The following ARFIP1 variants were observed in gnomAD, a reference collection of about 807,000 sequenced individuals.
ARFIP1 encodes ARF interacting protein 1.
In ARFIP1, 24 loss-of-function variants were observed where a neutral mutation model predicts 42.5. The ratio of observed to expected loss-of-function variants is 0.57; its 90% confidence interval spans 0.41 to 0.80. The LOEUF is 0.80. ARFIP1 is among the 30% of genes least tolerant of loss of function. The probability of loss-of-function intolerance (pLI) is 0.00; values close to 1 mark genes in which losing one functional copy is unlikely to be tolerated. For synonymous variants in ARFIP1, 141 were observed against 153.7 expected (o/e 0.92, Z 0.61); for missense variants, 354 against 434.0 (o/e 0.82, Z 1.64).
chr4:152,855,084 G>A (rs534584061), intron 2 of ARFIP1, among the ~76,000 whole-genome samples: 1 of 152,342 alleles, frequency 6.6e-6, no homozygotes, highest in East Asian at 1.9e-4. Flanking sequence ...CATGGGTATT[G>A]GCAGTGGCTG....
chr4:152,786,665 T>C (rs1730827520), intron 1 of ARFIP1, among the ~76,000 whole-genome samples: 1 of 152,208 alleles, frequency 6.6e-6, no homozygotes, highest in African/African-American at 2.4e-5. Flanking sequence ...TCACTCTCCT[T>C]CTTCCTCCCC....
chr4:152,898,130 C>T (rs1737508937), intron 8 of ARFIP1, among the ~76,000 whole-genome samples: 1 of 151,698 alleles, frequency 6.6e-6, no homozygotes, highest in Admixed American at 6.6e-5. Flanking sequence ...TTACAGGCGC[C>T]CACCACAACG....
At chr4:152,882,902 T>A in intron 7 of ARFIP1, 22 bp downstream of exon 7, 2 of 1,587,766 alleles carry the variant, frequency 1.3e-6, no homozygotes, top group Non-Finnish European at 1.7e-6. Context: ...ATTTTCACTG[T>A]GTTGTCTGTT....
chr4:152,864,187 CT>C (rs1241745748), intron 3 of ARFIP1, among the ~76,000 whole-genome samples: 1 of 152,174 alleles, frequency 6.6e-6, no homozygotes, highest in Non-Finnish European at 1.5e-5. Context: ...TCTCTCCATA[CT>C]TTTGACCACC....
intron 2 of ARFIP1, among the ~76,000 whole-genome samples, chr4:152,860,303 C>T (rs1490630246): frequency 6.6e-6 from 1 of 152,180 alleles, no homozygotes; most frequent in African/African-American, 2.4e-5. Flanking sequence ...TCAGGTATAT[C>T]TGAGCTGACT....
At chr4:152,833,667 C>G (rs1485107857) in intron 2 of ARFIP1, among the ~76,000 whole-genome samples, 1 of 152,088 alleles carries the variant, frequency 6.6e-6, no homozygotes, top group African/African-American at 2.4e-5. Context: ...CACATACACC[C>G]ACAGACAATG....
intron 8 of ARFIP1, among the ~76,000 whole-genome samples, chr4:152,891,377 C>A (rs1369383665): frequency 6.6e-6 from 1 of 152,166 alleles, no homozygotes; most frequent in African/African-American, 2.4e-5. Context: ...TTTAACTCTT[C>A]AAAACGATAA....
chr4:152,812,219 A>T (rs189640328), intron 1 of ARFIP1, among the ~76,000 whole-genome samples: 13 of 152,218 alleles, frequency 8.5e-5, no homozygotes, highest in Admixed American at 8.5e-4. Flanking sequence ...TTTTGAGATG[A>T]GTTCTTGCTG....
intron 8 of ARFIP1, among the ~76,000 whole-genome samples, chr4:152,900,978 G>A (rs1403365746): frequency 6.6e-6 from 1 of 152,160 alleles, no homozygotes; most frequent in Non-Finnish European, 1.5e-5. Context: ...TTAGGTTGGT[G>A]CAAAAGTAAT....
chr4:152,808,868 A>C (rs1440225812), intron 1 of ARFIP1, among the ~76,000 whole-genome samples: 1 of 152,196 alleles, frequency 6.6e-6, no homozygotes, highest in Non-Finnish European at 1.5e-5. Context: ...TGGGAGTTCA[A>C]GACCAACTTG....
At chr4:152,902,329 C>T (rs942223928) in intron 8 of ARFIP1, among the ~76,000 whole-genome samples, 10 of 152,120 alleles carry the variant, frequency 6.6e-5, no homozygotes, top group Middle Eastern at 3.2e-3. Context: ...TAGAGAGACC[C>T]GGTCTCTACG....
intron 1 of ARFIP1, among the ~76,000 whole-genome samples, chr4:152,800,596 A>G (rs1389049232): frequency 1.3e-5 from 2 of 152,190 alleles, no homozygotes; most frequent in East Asian, 3.8e-4. Context: ...ATTGCATTAG[A>G]TATTTATTAG....
chr4:152,784,016 A>G (rs1046603992), intron 1 of ARFIP1, among the ~76,000 whole-genome samples: 4 of 152,244 alleles, frequency 2.6e-5, no homozygotes, highest in Non-Finnish European at 4.4e-5. Flanking sequence ...GTCTGGAAGT[A>G]TAAATAAATT....
chr4:152,846,941 G>A (rs1732580274), intron 2 of ARFIP1, among the ~76,000 whole-genome samples: 1 of 150,562 alleles, frequency 6.6e-6, no homozygotes, highest in South Asian at 2.1e-4. Context: ...TTTTGTTCTT[G>A]TTTGTGTTTC....
chr4:152,816,009 G>T lies in ARFIP1; in HGVS notation c.-9-13616G>T, dbSNP rs140366278. ...TCCGCCCGCCTCAGCCTCCCAAAGT[G>T]CTGGGATTACAGGCGTGAGCCACCG... is the stretch of plus-strand genomic sequence containing the variant. On this transcript the variant is annotated intron_variant, in intron 1 of 8. Coordinates refer to ENST00000353617, the MANE Select transcript of ARFIP1 (RefSeq NM_001025595.3). 3.5e-3 allele frequency among the ~76,000 whole-genome samples: 534 copies of T among 152,208 alleles called. 4 individuals are homozygous for T. Among genetic ancestry groups the T allele is most frequent in the African/African-American group, 0.012 (497 of 41,526 alleles).
At chr4:152,842,330 G>GAA (rs57030471) in intron 2 of ARFIP1, among the ~76,000 whole-genome samples, 22 of 112,974 alleles carry the variant, frequency 1.9e-4, no homozygotes, top group Admixed American at 1.0e-3. Context: ...TCTTGCAACT[G>GAA]AAAAAAAAAA....
In ARFIP1 at chr4:152,867,050, G is replaced by A. The variant is rs540251778; in HGVS notation, c.202+3336G>A. ...CAGAGGGGCTCCTCACATCCCAGAC[G>A]ATGGGCAGCCAGGCAGAGACGCTCC... On this transcript the variant is annotated intron_variant, in intron 3 of 8. Coordinates refer to ENST00000353617, the MANE Select transcript of ARFIP1 (RefSeq NM_001025595.3). Among the ~76,000 whole-genome samples the A allele has an allele frequency of 9.2e-3, 1,342 of 146,060 alleles. 9 individuals carry two copies. The highest frequency in any genetic ancestry group is 0.015 in the Non-Finnish European group (1,013 of 67,796).
At chr4:152,846,012 A>T (rs376626661) in intron 2 of ARFIP1, among the ~76,000 whole-genome samples, 3 of 152,364 alleles carry the variant, frequency 2.0e-5, no homozygotes, top group East Asian at 3.9e-4. Context: ...CTGTGCAGCC[A>T]TAAAAAAGAA....
intron 2 of ARFIP1, among the ~76,000 whole-genome samples, chr4:152,860,278 A>G (rs961443351): frequency 6.6e-6 from 1 of 152,222 alleles, no homozygotes; most frequent in African/African-American, 2.4e-5. Context: ...AAGTGACTGA[A>G]GCCAGGATTC....
Sources: gnomAD v4.1 joint callset for allele counts (sites outside exome capture counted in the v4.1 genomes callset) on GRCh38, gnomAD v4.1.1 for gene constraint, MANE v1.5 for transcripts, NCBI Gene and HGNC (gene_info 2026-07-23, HGNC 2026-07-21) for gene names.